Variants in PITPNA observed in about 807,000 individuals in gnomAD.
The protein encoded by PITPNA is phosphatidylinositol transfer protein alpha isoform.
Under a neutral mutation model 50.3 loss-of-function variants are expected in PITPNA, and 13 were observed. The ratio of observed to expected loss-of-function variants is 0.26; its 90% CI spans 0.17 to 0.41. PITPNA has a LOEUF of 0.41. PITPNA is among the 10% of genes least tolerant of loss of function. The pLI is 1.00. For missense variants in PITPNA, 207 were observed against 333.4 expected, an observed-to-expected ratio of 0.62 and a Z score of 2.95; for synonymous variants, 120 against 119.6, an observed-to-expected ratio of 1.00 and a Z score of -0.02.
At chr17:1,546,046 G>A (rs2075672607) in intron 4 of PITPNA, among the ~76,000 whole-genome samples, 1 of 149,408 alleles carries the variant, frequency 6.7e-6, no homozygotes, top group Admixed American at 6.8e-5. Context: ...TCCTGCCTCA[G>A]CCTCCCAAGT....
chr17:1,551,929 C>T (rs943173675), intron 3 of PITPNA, among the ~76,000 whole-genome samples: 6 of 150,190 alleles, frequency 4.0e-5, no homozygotes, highest in South Asian at 4.2e-4. Context: ...CGCTGGACAG[C>T]GCTGCTCTCC....
intron 7 of PITPNA, among the ~76,000 whole-genome samples, chr17:1,536,278 A>G (rs2075614926): frequency 6.7e-6 from 1 of 148,364 alleles, no homozygotes; most frequent in African/African-American, 2.6e-5. Context: ...CAAAGCTGAG[A>G]AGTTTTTTTT....
chr17:1,543,801 A>C (rs1425875827), intron 4 of PITPNA, among the ~76,000 whole-genome samples: 2 of 152,228 alleles, frequency 1.3e-5, no homozygotes, highest in Non-Finnish European at 2.9e-5. Flanking sequence ...AAAGACTGTC[A>C]GTAATTCCCC....
chr17:1,545,654 T>C (rs1041204347), intron 4 of PITPNA, among the ~76,000 whole-genome samples: 1 of 152,174 alleles, frequency 6.6e-6, no homozygotes, highest in Non-Finnish European at 1.5e-5. Flanking sequence ...ATACAGAAAT[T>C]ATGTTTTTCT....
intron 5 of PITPNA, 65 bp from the exon 6 acceptor site, chr17:1,541,705 T>G: frequency 1.8e-5 from 18 of 996,720 alleles, no homozygotes; most frequent in South Asian, 2.7e-5. Context: ...CCATCTCCCA[T>G]TACTGGAGAT....
intron 1 of PITPNA, among the ~76,000 whole-genome samples, chr17:1,559,988 A>G (rs973711647): frequency 6.6e-6 from 1 of 152,206 alleles, no homozygotes; most frequent in Non-Finnish European, 1.5e-5. Context: ...ACTTCCTAGA[A>G]AACAATAAGC....
intron 1 of PITPNA, among the ~76,000 whole-genome samples, chr17:1,561,911 C>T (rs1567590248): frequency 6.6e-6 from 1 of 152,148 alleles, no homozygotes; most frequent in Non-Finnish European, 1.5e-5. Flanking sequence ...GTGAACTGTT[C>T]GGCCCTCCAC....
chr17:1,562,508 C>A lies in PITPNA; in HGVS notation c.20+33G>T. ...CCGGCGGCCGTCCCCACCCTCCCTC[C>A]TCCCCGCTTCCGCACGGCCGCCGGA... On this transcript the variant is annotated intron_variant, in intron 1 of 11. Transcript: ENST00000313486. This position sits in a 1 kb window ranked among gnomAD's most constrained non-coding sequence, Gnocchi z 6.4. The A allele has an allele frequency of 7.0e-7, 1 of 1,425,316 alleles. No homozygotes were observed. 88.3% of individuals were successfully genotyped at this position (1,425,316 alleles called of 1,614,324 possible).
chr17:1,547,223 G>A (rs570592292), intron 4 of PITPNA, among the ~76,000 whole-genome samples: 106 of 150,710 alleles, frequency 7.0e-4, no homozygotes, highest in African/African-American at 2.4e-3. Context: ...AAACCTAGCC[G>A]GACATGATGG....
intron 10 of PITPNA, among the ~76,000 whole-genome samples, chr17:1,532,432 T>C (rs962109979): frequency 1.3e-5 from 2 of 152,142 alleles, no homozygotes; most frequent in African/African-American, 4.8e-5. Flanking sequence ...AATAACTCTC[T>C]AACACTGAGG....
intron 7 of PITPNA, chr17:1,538,613 C>T (rs2075631333): frequency 5.8e-6 from 2 of 345,682 alleles, no homozygotes; most frequent in African/African-American, 4.3e-5. Flanking sequence ...GCAAAATACT[C>T]TAGCTACAAT....
At position 1,562,477 on chromosome 17, in the gene PITPNA, G is replaced by A; in HGVS notation, c.20+64C>T. On this transcript the variant is annotated intron_variant, in intron 1 of 11. Transcript: ENST00000313486. The surrounding 1 kb of genome is among the most constrained non-coding windows in gnomAD (Gnocchi z 6.4). ...CGGGCCCTGCGTCCCTCGCCGCGCC[G>A]TCGCCCCGGCGGCCGTCCCCACCCT... 5 of 1,325,168 alleles carry A rather than the reference G, an allele frequency of 3.8e-6. No individual in the cohort carries two copies. Among genetic ancestry groups the A allele is most frequent in the Middle Eastern group, 1.9e-4 (1 of 5,182 alleles). The allele number at this position is 1,325,168 out of a possible 1,614,324, so 82.1% of individuals were successfully genotyped here.
chr17:1,520,777 A>C (rs374185803), intron 11 of PITPNA, among the ~76,000 whole-genome samples: 1 of 152,180 alleles, frequency 6.6e-6, no homozygotes, highest in East Asian at 1.9e-4. Flanking sequence ...GAGAGTAAGC[A>C]GGGCCTGCCG....
intron 2 of PITPNA, 33 bp from the exon 3 acceptor site, chr17:1,553,182 C>A (rs774228664): frequency 1.2e-6 from 2 of 1,611,804 alleles, no homozygotes; most frequent in East Asian, 2.2e-5. Context: ...ATTCTCAACA[C>A]GGACCCTTCT....
At chr17:1,551,672 G>A (rs2075710085) in intron 3 of PITPNA, among the ~76,000 whole-genome samples, 1 of 152,144 alleles carries the variant, frequency 6.6e-6, no homozygotes, top group Non-Finnish European at 1.5e-5. Flanking sequence ...GAAACAATTG[G>A]TCCCTTCTAC....
intron 2 of PITPNA, among the ~76,000 whole-genome samples, chr17:1,558,144 T>C (rs113325353): frequency 1.4e-5 from 2 of 147,494 alleles, no homozygotes; most frequent in African/African-American, 5.0e-5. Flanking sequence ...GGCAGGAGAA[T>C]AGCTTGAACC....
intron 4 of PITPNA, among the ~76,000 whole-genome samples, chr17:1,546,267 G>A (rs760018800): frequency 6.6e-6 from 1 of 151,954 alleles, no homozygotes; most frequent in Non-Finnish European, 1.5e-5. Flanking sequence ...TCATTTCCAA[G>A]AATCTAACTT....
At chr17:1,529,151 A>G (rs926511750) in intron 10 of PITPNA, among the ~76,000 whole-genome samples, 2 of 62,352 alleles carry the variant, frequency 3.2e-5, no homozygotes, top group Non-Finnish European at 6.3e-5. Context: ...AAAAAAAAAA[A>G]AAAAAGAGAG....
At chr17:1,524,646 G>A (rs1411612285) in intron 10 of PITPNA, among the ~76,000 whole-genome samples, 1 of 151,966 alleles carries the variant, frequency 6.6e-6, no homozygotes, top group Non-Finnish European at 1.5e-5. Context: ...AGGAGTTCAA[G>A]ACCAGCCTGG....
Sources: allele counts gnomAD v4.1 joint callset (sites outside exome capture counted in the v4.1 genomes callset), GRCh38; gene constraint gnomAD v4.1.1; non-coding constraint Gnocchi (gnomAD v3.1); transcripts MANE v1.5; gene names NCBI Gene and HGNC (gene_info 2026-07-23, HGNC 2026-07-21).